Variants in NAALADL2 observed in about 807,000 individuals in gnomAD.
NAALADL2 encodes N-acetylated alpha-linked acidic dipeptidase like 2.
In NAALADL2, 76 loss-of-function variants were observed where a neutral mutation model predicts 87.2. The ratio of observed to expected loss-of-function variants is 0.87; its 90% confidence interval spans 0.72 to 1.05. The LOEUF (loss-of-function observed/expected upper bound fraction) is 1.05, where lower values mean the gene tolerates loss of function less well. Among genes scored for constraint, NAALADL2 ranks in the 50% least tolerant of loss-of-function variants. The pLI is 0.00. For missense variants in NAALADL2, 1,089 were observed against 945.8 expected, an observed-to-expected ratio of 1.15 and a Z score of -1.99; for synonymous variants, 354 against 331.0, an observed-to-expected ratio of 1.07 and a Z score of -0.75.
At chr3:174,996,676 G>C (rs1257120944) in intron 1 of NAALADL2, among the ~76,000 whole-genome samples, 1 of 152,064 alleles carries the variant, frequency 6.6e-6, no homozygotes, top group Non-Finnish European at 1.5e-5. Flanking sequence ...GGTTCAAGTG[G>C]TTTTTGGTTA....
intron 9 of NAALADL2, among the ~76,000 whole-genome samples, chr3:175,474,975 G>A (rs543643789): frequency 4.2e-4 from 63 of 151,488 alleles, no homozygotes; most frequent in African/African-American, 1.3e-3. Flanking sequence ...CATATTGAAG[G>A]AGCATTATAA....
intron 1 of NAALADL2, among the ~76,000 whole-genome samples, chr3:174,900,777 T>C (rs886187999): frequency 4.6e-5 from 7 of 152,064 alleles, no homozygotes; most frequent in African/African-American, 1.7e-4. Flanking sequence ...TAACATTGTA[T>C]GCATGTATTT....
In NAALADL2 at chr3:174,897,238, A is replaced by G. The variant is rs1731655179; in HGVS notation, c.43+37788A>G. ...AACTAAGTGAAGAGACAACCCATAG[A>G]ATGGGAGAATATATTTACAAATTAC... is the stretch of plus-strand genomic sequence containing the variant. On this transcript the variant is annotated intron_variant, in intron 1 of 13. Coordinates refer to ENST00000454872, the MANE Select transcript of NAALADL2 (RefSeq NM_207015.3). 2.0e-5 allele frequency among the ~76,000 whole-genome samples: 3 copies of G among 152,178 alleles called. No homozygotes were observed. The South Asian group carries it at 6.2e-4, about 31-fold the overall frequency.
intron 13 of NAALADL2, among the ~76,000 whole-genome samples, chr3:175,766,362 G>A (rs1329644019): frequency 6.6e-6 from 1 of 152,086 alleles, no homozygotes; most frequent in Non-Finnish European, 1.5e-5. Flanking sequence ...GGATCTTAGA[G>A]TTGTGGGCTG....
At chr3:175,500,864 G>C (rs1729447551) in intron 9 of NAALADL2, among the ~76,000 whole-genome samples, 1 of 152,120 alleles carries the variant, frequency 6.6e-6, no homozygotes, top group Admixed American at 6.6e-5. Context: ...ATATGAAATA[G>C]TGCATTGAAA....
chr3:175,614,297 C>T (rs774792264), intron 10 of NAALADL2, among the ~76,000 whole-genome samples: 6 of 152,180 alleles, frequency 3.9e-5, no homozygotes, highest in Admixed American at 3.3e-4. Flanking sequence ...ATGATCTGCC[C>T]GCCTCGGCCT....
At chr3:175,319,389 T>C (rs1324937485) in intron 4 of NAALADL2, among the ~76,000 whole-genome samples, 1 of 152,202 alleles carries the variant, frequency 6.6e-6, no homozygotes, top group East Asian at 1.9e-4. Context: ...AAAAATGCCA[T>C]TATTGTGGCA....
At chr3:175,256,358 C>G (rs1031311254) in intron 3 of NAALADL2, 53 bp from the exon 4 acceptor site, 11 of 1,526,788 alleles carry the variant, frequency 7.2e-6, no homozygotes, top group African/African-American at 2.8e-5. Context: ...GGACAATTGG[C>G]TATACTTCTT....
chr3:175,214,713 C>A (rs1027903856), intron 2 of NAALADL2, among the ~76,000 whole-genome samples: 23 of 152,070 alleles, frequency 1.5e-4, no homozygotes, highest in African/African-American at 5.6e-4. Context: ...TAATTTTATT[C>A]ATTCCTACTA....
At chr3:175,587,621 G>A (rs1720722448) in intron 10 of NAALADL2, among the ~76,000 whole-genome samples, 1 of 152,006 alleles carries the variant, frequency 6.6e-6, no homozygotes, top group Non-Finnish European at 1.5e-5. Context: ...TAACATGATT[G>A]GGAAGGGTGG....
chr3:175,191,544 C>G (rs1419888305), intron 2 of NAALADL2, among the ~76,000 whole-genome samples: 2 of 152,080 alleles, frequency 1.3e-5, no homozygotes, highest in Non-Finnish European at 2.9e-5. Flanking sequence ...ATCCACAATA[C>G]TAACCCCAGA....
chr3:175,470,587 A>G (rs1333816000), intron 8 of NAALADL2, among the ~76,000 whole-genome samples: 2 of 152,162 alleles, frequency 1.3e-5, no homozygotes, highest in Non-Finnish European at 1.5e-5. Flanking sequence ...TTAGAAGAAG[A>G]AAGATACTTT....
At chr3:175,533,587 C>G (rs1328460294) in intron 9 of NAALADL2, among the ~76,000 whole-genome samples, 1 of 152,128 alleles carries the variant, frequency 6.6e-6, no homozygotes, top group Non-Finnish European at 1.5e-5. Flanking sequence ...AATTCAGTGT[C>G]CCCAGCTTCA....
chr3:174,895,514 T>A (rs1265387428), intron 1 of NAALADL2, among the ~76,000 whole-genome samples: 2 of 151,776 alleles, frequency 1.3e-5, no homozygotes, highest in East Asian at 3.9e-4. Context: ...TCATAACAAG[T>A]AATGAGATGG....
intron 1 of NAALADL2, among the ~76,000 whole-genome samples, chr3:174,505,868 G>A (rs549919241): frequency 6.6e-5 from 10 of 152,104 alleles, no homozygotes; most frequent in South Asian, 6.2e-4. Context: ...TTTATTACAC[G>A]TAAATAATTT....
rs538413323 is a variant in NAALADL2 at position 175,312,033 on chromosome 3, A to G, written c.940-12142A>G. 1.2e-3 allele frequency among the ~76,000 whole-genome samples: 185 copies of G among 152,266 alleles called. 1 individual carries two copies. Among genetic ancestry groups the G allele is most frequent in the African/African-American group, 4.2e-3 (174 of 41,586 alleles). On this transcript the variant is annotated intron_variant, in intron 4 of 13. Transcript: ENST00000454872. ...TCCTAATCATAATAGTCTTTTTTTA[A>G]AACTAACAAAGAAAAATGAGTATAT...
chr3:175,265,738 G>T (rs1751818408), intron 4 of NAALADL2, among the ~76,000 whole-genome samples: 1 of 151,380 alleles, frequency 6.6e-6, no homozygotes, highest in Admixed American at 6.6e-5. Context: ...ATATGGTTTT[G>T]AAATCAATCA....
intron 3 of NAALADL2, among the ~76,000 whole-genome samples, chr3:174,792,255 G>A (rs907378538): frequency 6.6e-6 from 1 of 150,794 alleles, no homozygotes; most frequent in African/African-American, 2.4e-5. Context: ...ACGAAGATGA[G>A]GAAGGAAAGA....
At chr3:175,108,365 C>A (rs1386441142) in intron 2 of NAALADL2, among the ~76,000 whole-genome samples, 1 of 151,858 alleles carries the variant, frequency 6.6e-6, no homozygotes, top group Non-Finnish European at 1.5e-5. Context: ...TCACAGAGAG[C>A]ACCTTAACAT....
Sources: gnomAD v4.1 joint callset for allele counts (sites outside exome capture counted in the v4.1 genomes callset) on GRCh38, gnomAD v4.1.1 for gene constraint, MANE v1.5 for transcripts, NCBI Gene and HGNC (gene_info 2026-07-23, HGNC 2026-07-21) for gene names.